Variants in STAMBPL1 observed in about 807,000 individuals in gnomAD.
STAMBPL1 encodes AMSH-like protease.
A neutral mutation model predicts 52.9 loss-of-function variants in STAMBPL1; 44 were observed. The ratio of observed to expected loss-of-function variants is 0.83; its 90% CI spans 0.65 to 1.07. The LOEUF is 1.07. Among genes scored for constraint, STAMBPL1 ranks in the 50% least tolerant of loss-of-function variants. The probability of loss-of-function intolerance (pLI) is 0.00; values close to 1 mark genes in which losing one functional copy is unlikely to be tolerated. For missense variants in STAMBPL1, 511 were observed against 520.8 expected (o/e 0.98, Z 0.18); for synonymous variants, 164 against 177.3 (o/e 0.92, Z 0.60).
chr10:88,897,162 C>T (rs1187261741), intron 1 of STAMBPL1, among the ~76,000 whole-genome samples: 1 of 152,104 alleles, frequency 6.6e-6, no homozygotes, highest in African/African-American at 2.4e-5. Flanking sequence ...GATACTTACC[C>T]CCTCCCAGGC....
intron 10 of STAMBPL1, 104 bp downstream of exon 10, chr10:88,922,540 T>A: frequency 1.0e-6 from 1 of 992,728 alleles, no homozygotes; most frequent in Non-Finnish European, 1.5e-6. Flanking sequence ...TAAAATACTG[T>A]ACTGCTTAGT....
intron 3 of STAMBPL1, among the ~76,000 whole-genome samples, chr10:88,908,404 G>A (rs956219722): frequency 6.6e-6 from 1 of 152,120 alleles, no homozygotes; most frequent in Non-Finnish European, 1.5e-5. Context: ...AAGTAAGGTG[G>A]TGCTCTTTTG....
intron 1 of STAMBPL1, among the ~76,000 whole-genome samples, chr10:88,888,853 G>A (rs187047800): frequency 9.2e-5 from 14 of 152,260 alleles, no homozygotes; most frequent in Non-Finnish European, 1.3e-4. Context: ...ATTACATAAA[G>A]TGATACATAC....
intron 6 of STAMBPL1, 57 bp downstream of exon 6, chr10:88,913,515 T>C: frequency 7.0e-7 from 1 of 1,431,024 alleles, no homozygotes; most frequent in Non-Finnish European, 9.6e-7. Flanking sequence ...GGAACCATAT[T>C]TCTATAGCAT....
chr10:88,902,202 C>T (rs12258025), intron 2 of STAMBPL1, among the ~76,000 whole-genome samples: 6,831 of 152,280 alleles, frequency 0.045, 518 homozygotes, highest in African/African-American at 0.16. Flanking sequence ...TTTCCCCTCA[C>T]TGCCCAGCAC....
intron 4 of STAMBPL1, 37 bp downstream of exon 4, chr10:88,908,814 G>GGAATAATGGAATAATGGA (rs1564629655): frequency 6.6e-7 from 1 of 1,504,828 alleles, no homozygotes; most frequent in South Asian, 1.2e-5. Context: ...GGAATCAAAT[G>GGAATAATGGAATAATGGA]CTCCATAAGT....
intron 2 of STAMBPL1, among the ~76,000 whole-genome samples, chr10:88,903,972 G>A (rs1022732208): frequency 2.6e-5 from 4 of 152,192 alleles, no homozygotes; most frequent in Non-Finnish European, 5.9e-5. Flanking sequence ...CACCAAAGTA[G>A]ACCAGATGGC....
intron 5 of STAMBPL1, among the ~76,000 whole-genome samples, chr10:88,911,514 T>C (rs1845224399): frequency 6.6e-6 from 1 of 152,226 alleles, no homozygotes; most frequent in South Asian, 2.1e-4. Flanking sequence ...TTCTGGATTG[T>C]TATTAATAAA....
chr10:88,892,528 G>A (rs767464366), intron 1 of STAMBPL1, among the ~76,000 whole-genome samples: 1 of 152,196 alleles, frequency 6.6e-6, no homozygotes, highest in African/African-American at 2.4e-5. Flanking sequence ...AATTTGGACA[G>A]CAGATGACCA....
At chr10:88,920,994 A>T (rs1047885266) in intron 8 of STAMBPL1, among the ~76,000 whole-genome samples, 1 of 152,192 alleles carries the variant, frequency 6.6e-6, no homozygotes, top group African/African-American at 2.4e-5. Flanking sequence ...TGTGATAATT[A>T]TATGAGAATC....
rs1403493975 is a variant in STAMBPL1, at chr10:88,888,129, A to G, written c.-54+7491A>G. On this transcript the variant is annotated intron_variant, in intron 1 of 10. Transcript: ENST00000371926. The stretch of plus-strand genomic sequence containing the variant: ...TGGTGGGAATTTTTAGAGATAATGT[A>G]CATTCTTCTGAGTGACAGATATTTG... Among the ~76,000 whole-genome samples the G allele has an allele frequency of 6.6e-5, 10 of 152,306 alleles. No homozygotes were observed. In the East Asian group the frequency reaches 1.9e-3, roughly 29 times the overall value.
At chr10:88,900,401 C>G (rs1298285711) in intron 1 of STAMBPL1, among the ~76,000 whole-genome samples, 2 of 152,128 alleles carry the variant, frequency 1.3e-5, no homozygotes, top group East Asian at 3.8e-4. Flanking sequence ...TTGACCTAAA[C>G]TAGCATAAAA....
At chr10:88,901,882 G>A (rs1249833867) in intron 2 of STAMBPL1, 144 bp downstream of exon 2, 1 of 711,650 alleles carries the variant, frequency 1.4e-6, no homozygotes, top group South Asian at 2.2e-5. Context: ...TGTCTTCTTT[G>A]AGGAAGTGAC....
intron 8 of STAMBPL1, among the ~76,000 whole-genome samples, chr10:88,919,672 C>G (rs1001049571): frequency 6.6e-6 from 1 of 152,084 alleles, no homozygotes; most frequent in African/African-American, 2.4e-5. Flanking sequence ...CACTCATACC[C>G]CCTACTGAAG....
chr10:88,913,935 G>A (rs1377691004), intron 6 of STAMBPL1, among the ~76,000 whole-genome samples: 2 of 152,164 alleles, frequency 1.3e-5, no homozygotes, highest in Non-Finnish European at 2.9e-5. Flanking sequence ...CAAATGGACC[G>A]TGTGTTTCCG....
chr10:88,896,827 C>T (rs1350366659), intron 1 of STAMBPL1, among the ~76,000 whole-genome samples: 1 of 151,372 alleles, frequency 6.6e-6, no homozygotes, highest in Non-Finnish European at 1.5e-5. Context: ...TGAACTTTGC[C>T]ACACACACAC....
chr10:88,905,834 C>G (rs1845059946), intron 3 of STAMBPL1, among the ~76,000 whole-genome samples, 174 bp downstream of exon 3: 1 of 152,172 alleles, frequency 6.6e-6, no homozygotes, highest in Non-Finnish European at 1.5e-5. Context: ...CACAGGCATC[C>G]CAACACCATC....
At chr10:88,920,855 C>T (rs1209344114) in intron 8 of STAMBPL1, among the ~76,000 whole-genome samples, 1 of 152,058 alleles carries the variant, frequency 6.6e-6, no homozygotes, top group Non-Finnish European at 1.5e-5. Context: ...TATCTTGTGC[C>T]CAGGGTTTCC....
intron 10 of STAMBPL1, 47 bp downstream of exon 10, chr10:88,922,483 G>A (rs1370293921): frequency 7.1e-6 from 11 of 1,547,892 alleles, no homozygotes; most frequent in Non-Finnish European, 9.8e-6. Flanking sequence ...CTTGTTCACT[G>A]CCCCCCCAAT....
Sources: gnomAD v4.1 joint callset for allele counts (sites outside exome capture counted in the v4.1 genomes callset) on GRCh38, gnomAD v4.1.1 for gene constraint, MANE v1.5 for transcripts, NCBI Gene and HGNC (gene_info 2026-07-23, HGNC 2026-07-21) for gene names.